The following MCMDC2 variants were observed in gnomAD, a reference collection of about 807,000 sequenced individuals.
MCMDC2 encodes the protein minichromosome maintenance domain-containing protein 2.
In MCMDC2, 54 loss-of-function variants were observed where a neutral mutation model predicts 75.8. The ratio of observed to expected loss-of-function variants is 0.71; its 90% CI spans 0.57 to 0.89. MCMDC2 has a LOEUF of 0.89. MCMDC2 is among the 40% of genes least tolerant of loss of function. The probability of loss-of-function intolerance (pLI) is 0.00; values close to 1 mark genes in which losing one functional copy is unlikely to be tolerated. For missense variants in MCMDC2, 656 were observed against 780.4 expected, an observed-to-expected ratio of 0.84 and a Z score of 1.90; for synonymous variants, 249 against 274.6, an observed-to-expected ratio of 0.91 and a Z score of 0.92.
chr8:66,922,252 T>G (rs935784988), downstream of MCMDC2: 1 of 221,500 alleles, frequency 4.5e-6, no homozygotes, highest in Non-Finnish European at 9.3e-6. Context: ...AACAAGAATC[T>G]GCCCCCACCC....
downstream of MCMDC2, chr8:66,922,159 CAAAGTTCTCATATAACCTCA>C (rs775431085): frequency 1.4e-3 from 218 of 155,862 alleles, no homozygotes; most frequent in Non-Finnish European, 2.2e-3. Flanking sequence ...ATTCCATACT[CAAAGTTCTCATATAACCTCA>C]ATATTCACAA....
At chr8:66,900,280 T>C (rs1812591882) in intron 12 of MCMDC2, among the ~76,000 whole-genome samples, 1 of 150,768 alleles carries the variant, frequency 6.6e-6, no homozygotes, top group Admixed American at 6.6e-5. Flanking sequence ...CTACCAAAAA[T>C]ACAAAAAATT....
chr8:66,918,718 A>T (rs1813411325), intron 14 of MCMDC2, among the ~76,000 whole-genome samples: 1 of 152,160 alleles, frequency 6.6e-6, no homozygotes, highest in South Asian at 2.1e-4. Flanking sequence ...TTAAAATATA[A>T]ACATCAACAT....
Position 66,884,000 on chromosome 8 carries a change from TATG to T in MCMDC2, c.1073+7_1073+9del. 6.4e-7 allele frequency: 1 copy of T among 1,560,752 alleles called. No homozygotes were observed. The highest frequency in any genetic ancestry group is 2.2e-5 in the East Asian group (1 of 44,618). On this transcript the variant is annotated splice_region_variant and intron_variant, in intron 9 of 14. Transcript: ENST00000422365. ...GATACTCTACTCATAGACAGGTATA[TATG>T]TGACATGAATTTTTACAAATATTAA... is the stretch of plus-strand genomic sequence containing the variant.
intron 10 of MCMDC2, among the ~76,000 whole-genome samples, chr8:66,895,744 T>A (rs1004260283): frequency 3.9e-5 from 6 of 152,182 alleles, no homozygotes; most frequent in Non-Finnish European, 8.8e-5. Context: ...ATTTGAGATA[T>A]ATTTCCCCCC....
Position 66,883,966 on chromosome 8 carries a change from A to G in MCMDC2, c.1045A>G (p.Ile349Val), listed in dbSNP as rs750502760. 3 of 1,612,170 alleles carry G rather than the reference A, an allele frequency of 1.9e-6. No individual in the cohort carries two copies. Among genetic ancestry groups the G allele is most frequent in the South Asian group, 2.2e-5 (2 of 91,044 alleles). ...GGAAGATTGCCTGGATATTTTAATTATAACAAGTGATACTCTACTCATAGA... is the reference window on the plus strand; with the variant it reads ...GGAAGATTGCCTGGATATTTTAATTGTAACAAGTGATACTCTACTCATAGA... ...ELEDCLDILI[I>V]TSDTLLIDRL... Residue 349 changes from isoleucine (I) to valine (V), a missense_variant, in exon 9 of 15, where the codon ATA becomes GTA. By Grantham distance (29) the Ile-to-Val change is conservative. Transcript: ENST00000422365.
intron 9 of MCMDC2, among the ~76,000 whole-genome samples, chr8:66,890,570 G>C (rs755249609): frequency 2.0e-5 from 3 of 151,724 alleles, no homozygotes; most frequent in African/African-American, 7.3e-5. Context: ...TCTGTTGCCC[G>C]GGCTGGAGTG....
At chr8:66,876,145 A>T (rs1811273530) in intron 4 of MCMDC2, among the ~76,000 whole-genome samples, 1 of 152,166 alleles carries the variant, frequency 6.6e-6, no homozygotes, top group Non-Finnish European at 1.5e-5. Context: ...TTTAGCAGCC[A>T]TTGATGTTCA....
chr8:66,925,979 T>G (rs1300691195), downstream of MCMDC2, among the ~76,000 whole-genome samples: 2 of 152,038 alleles, frequency 1.3e-5, no homozygotes, highest in Admixed American at 6.5e-5. Flanking sequence ...AACCCCCATC[T>G]CTACTAAAAA....
chr8:66,887,903 T>C (rs76727156), intron 9 of MCMDC2, among the ~76,000 whole-genome samples: 3,643 of 152,312 alleles, frequency 0.024, 159 homozygotes, highest in African/African-American at 0.083. Context: ...GATGTAAATC[T>C]ATTTGAACTC....
Position 66,920,547 on chromosome 8 carries a change from A to G in MCMDC2, c.*1378A>G, listed in dbSNP as rs1447895898. 6.6e-6 allele frequency: 1 copy of G among 152,178 alleles called. No individual in the cohort carries two copies. Among genetic ancestry groups the G allele is most frequent in the African/African-American group, 2.4e-5 (1 of 41,464 alleles). 9.4% of individuals were successfully genotyped at this position (152,178 alleles called of 1,614,324 possible). On this transcript the variant is annotated 3_prime_UTR_variant, in exon 15 of 15. Coordinates refer to ENST00000422365, the MANE Select transcript of MCMDC2 (RefSeq NM_173518.5). Reference sequence around the variant, plus strand: ...CTGTAGTTTTCAACAAAATACTTACATATTACAGTTCTATAATGTTAAGAC... The same window carrying G: ...CTGTAGTTTTCAACAAAATACTTACGTATTACAGTTCTATAATGTTAAGAC...
At chr8:66,880,286 T>A (rs1024957970) in intron 7 of MCMDC2, among the ~76,000 whole-genome samples, 7 of 152,202 alleles carry the variant, frequency 4.6e-5, no homozygotes, top group African/African-American at 1.7e-4. Context: ...CCCAACACTT[T>A]AGGAGGCTGA....
intron 4 of MCMDC2, 45 bp from the exon 5 acceptor site, chr8:66,877,304 T>C (rs558527755): frequency 1.6e-6 from 2 of 1,258,744 alleles, no homozygotes; most frequent in African/African-American, 1.5e-5. Context: ...ACAAGTCAAA[T>C]TGGATTTGCA....
chr8:66,882,447 C>G (rs1308564590), intron 8 of MCMDC2, among the ~76,000 whole-genome samples: 1 of 151,982 alleles, frequency 6.6e-6, no homozygotes, highest in African/African-American at 2.4e-5. Flanking sequence ...CTCACTGCAA[C>G]CTCCACCTCC....
intron 9 of MCMDC2, 58 bp downstream of exon 9, chr8:66,884,052 C>A: frequency 9.4e-7 from 1 of 1,060,122 alleles, no homozygotes; most frequent in Non-Finnish European, 1.4e-6. Context: ...TGCATACATC[C>A]TTTCCATGAG....
chr8:66,906,514 A>G (rs1375549906), intron 14 of MCMDC2, among the ~76,000 whole-genome samples: 3 of 152,134 alleles, frequency 2.0e-5, no homozygotes, highest in African/African-American at 7.2e-5. Context: ...CAAATCCCTA[A>G]ATAATATACA....
At chr8:66,907,230 C>T (rs1018171489) in intron 14 of MCMDC2, among the ~76,000 whole-genome samples, 77 of 152,112 alleles carry the variant, frequency 5.1e-4, no homozygotes, top group Admixed American at 4.7e-3. Flanking sequence ...CCCTTGCCCC[C>T]GCCAACCCCC....
chr8:66,903,023 G>C (rs1011781590), intron 13 of MCMDC2, among the ~76,000 whole-genome samples: 3 of 151,138 alleles, frequency 2.0e-5, no homozygotes, highest in Non-Finnish European at 1.5e-5. Context: ...GGGAGGCTGT[G>C]ACACAGGAGA....
chr8:66,913,833 G>A (rs188958921), intron 14 of MCMDC2, among the ~76,000 whole-genome samples: 186 of 152,022 alleles, frequency 1.2e-3, no homozygotes, highest in African/African-American at 4.4e-3. Context: ...GTGTGGTGGT[G>A]TGTGCCTATA....
Sources: allele counts gnomAD v4.1 joint callset (sites outside exome capture counted in the v4.1 genomes callset), GRCh38; gene constraint gnomAD v4.1.1; transcripts MANE v1.5; gene names NCBI Gene and HGNC (gene_info 2026-07-23, HGNC 2026-07-21).